Variants in TDRD1 observed in about 807,000 individuals in gnomAD.
TDRD1 encodes the protein tudor domain containing 1, also known as tudor domain-containing protein 1.
Under a neutral mutation model 140.6 loss-of-function variants are expected in TDRD1, and 37 were observed. That is an observed-to-expected ratio of 0.26 (90% CI 0.20 to 0.35). TDRD1 has a LOEUF of 0.35. Ranked by LOEUF, TDRD1 falls within the 10% of genes least tolerant of loss-of-function variation. TDRD1 has a pLI of 1.00. For synonymous variants in TDRD1, 506 were observed against 475.7 expected (o/e 1.06, Z -0.83); for missense variants, 1,243 against 1,393.0 (o/e 0.89, Z 1.71).
At chr10:114,190,128 CTGAGT>C (rs2033853291) in intron 2 of TDRD1, among the ~76,000 whole-genome samples, 1 of 152,072 alleles carries the variant, frequency 6.6e-6, no homozygotes, top group African/African-American at 2.4e-5. Flanking sequence ...CAACATTTCA[CTGAGT>C]TGAAGGCAAA....
At chr10:114,222,559 C>T (rs759893800) in intron 20 of TDRD1, 28 bp from the exon 21 acceptor site, 13 of 1,451,814 alleles carry the variant, frequency 9.0e-6, no homozygotes, top group Admixed American at 1.7e-5. Context: ...AAATTTTCTT[C>T]ACAAAAGATT....
At chr10:114,219,443 T>C (rs2036008182) in intron 18 of TDRD1, among the ~76,000 whole-genome samples, 1 of 152,188 alleles carries the variant, frequency 6.6e-6, no homozygotes, top group Non-Finnish European at 1.5e-5. Flanking sequence ...GTGTGTATTT[T>C]GGACATCTGC....
At chr10:114,201,822 G>A (rs974868890) in intron 5 of TDRD1, among the ~76,000 whole-genome samples, 30 of 152,278 alleles carry the variant, frequency 2.0e-4, no homozygotes, top group Admixed American at 2.0e-3. Context: ...ACTCTTACAT[G>A]CCTCTTGAGT....
At chr10:114,219,382 C>T (rs192344477) in intron 18 of TDRD1, among the ~76,000 whole-genome samples, 144 of 152,026 alleles carry the variant, frequency 9.5e-4, no homozygotes, top group African/African-American at 3.3e-3. Context: ...CCTATAGTAG[C>T]GGTTATTATA....
chr10:114,212,109 T>G, intron 14 of TDRD1, 73 bp downstream of exon 14: 3 of 1,391,382 alleles, frequency 2.2e-6, no homozygotes, highest in Non-Finnish European at 2.9e-6. Context: ...ATACACGAAA[T>G]AGGGAAAAGC....
chr10:114,192,553 G>A (rs1443667136), intron 3 of TDRD1, among the ~76,000 whole-genome samples: 1 of 151,902 alleles, frequency 6.6e-6, no homozygotes, highest in Non-Finnish European at 1.5e-5. Context: ...TGATCCGCCT[G>A]CCTCGGCCTC....
At chr10:114,183,919 A>G (rs895727207) in intron 1 of TDRD1, among the ~76,000 whole-genome samples, 5 of 151,852 alleles carry the variant, frequency 3.3e-5, no homozygotes, top group Non-Finnish European at 5.9e-5. Context: ...CTTTTTTGCT[A>G]TTTTGAACGG....
rs186564225 is a variant in TDRD1, at chr10:114,216,985, T to C, written c.2213-560T>C. 1.5e-3 allele frequency among the ~76,000 whole-genome samples: 231 copies of C among 152,360 alleles called. 1 individual carries two copies. Among genetic ancestry groups the C allele is most frequent in the Non-Finnish European group, 2.5e-3 (171 of 68,038 alleles). On this transcript the variant is annotated intron_variant, in intron 16 of 25. Transcript: ENST00000251864. Reference sequence around the variant, plus strand: ...GGACAGCTCCAATGTCTCTCTCCAGTGGCCACTTCTCCACTTCTGCGCTTC... The same window carrying C: ...GGACAGCTCCAATGTCTCTCTCCAGCGGCCACTTCTCCACTTCTGCGCTTC...
chr10:114,231,421 T>A, intron 25 of TDRD1: 1 of 1,330,382 alleles, frequency 7.5e-7, no homozygotes, highest in Non-Finnish European at 1.1e-6. Context: ...TATTTGAAAT[T>A]AAAAGCCATA....
At chr10:114,226,924 C>G (rs2036471900) in intron 22 of TDRD1, 148 bp from the exon 23 acceptor site, 1 of 573,054 alleles carries the variant, frequency 1.7e-6, no homozygotes, top group African/African-American at 1.9e-5. Flanking sequence ...ATAAATTTGT[C>G]TTTTGTAATG....
At chr10:114,204,941 C>T (rs754200899) in intron 10 of TDRD1, 48 bp downstream of exon 10, 2 of 1,465,082 alleles carry the variant, frequency 1.4e-6, no homozygotes, top group Admixed American at 5.2e-5. Flanking sequence ...TATGTAGTTT[C>T]CACCTGTTAC....
exon 18 of TDRD1, chr10:114,218,451 C>G: frequency 6.2e-7 from 1 of 1,607,466 alleles, no homozygotes; most frequent in Non-Finnish European, 8.5e-7. Flanking sequence ...TCAAGGAAAT[C>G]TTACCAAATG....
In TDRD1 at chr10:114,202,309, C is replaced by T; in HGVS notation, c.696+11C>T. 1 of 1,558,908 alleles carries T rather than the reference C, an allele frequency of 6.4e-7. No individual in the cohort carries two copies. Among genetic ancestry groups the T allele is most frequent in the Non-Finnish European group, 8.7e-7 (1 of 1,148,048 alleles). ...GAGGTAAACAATAAGGTATGGTATA[C>T]TTTGTCTTTAAATTTTGAATAACTC... is the stretch of plus-strand genomic sequence containing the variant. On this transcript the variant is annotated intron_variant, in intron 6 of 25. Coordinates refer to ENST00000251864, the Ensembl canonical transcript of TDRD1.
At chr10:114,220,204 C>T (rs780656179) in intron 18 of TDRD1, among the ~76,000 whole-genome samples, 1 of 152,216 alleles carries the variant, frequency 6.6e-6, no homozygotes, top group East Asian at 1.9e-4. Context: ...TTAGAAAACT[C>T]TCCACAAAGG....
intron 7 of TDRD1, 71 bp downstream of exon 7, chr10:114,203,247 G>A: frequency 6.7e-7 from 1 of 1,487,242 alleles, no homozygotes; most frequent in South Asian, 1.2e-5. Context: ...TCCTATTTTT[G>A]AGTTCATGCG....
chr10:114,214,292 T>A (rs2035671820), intron 16 of TDRD1, among the ~76,000 whole-genome samples, 178 bp downstream of exon 16: 1 of 152,256 alleles, frequency 6.6e-6, no homozygotes, highest in Non-Finnish European at 1.5e-5. Context: ...TTTAAGCCAT[T>A]ATTTCTATTT....
At chr10:114,178,463 T>A (rs1275545663), upstream of TDRD1, among the ~76,000 whole-genome samples, 1 of 152,226 alleles carries the variant, frequency 6.6e-6, no homozygotes, top group Admixed American at 6.5e-5. Context: ...GGCATCATCA[T>A]TAATCTTGTC....
At chr10:114,188,096 C>G in exon 2 of TDRD1, 1 of 1,612,002 alleles carries the variant, frequency 6.2e-7, no homozygotes, top group South Asian at 1.1e-5. Flanking sequence ...TTCTTCAAAC[C>G]CGAATGGCAT....
chr10:114,217,312 G>T (rs918290406), intron 16 of TDRD1, among the ~76,000 whole-genome samples: 3 of 152,046 alleles, frequency 2.0e-5, no homozygotes, highest in Non-Finnish European at 4.4e-5. Context: ...TGCTGTAATT[G>T]TTTCTTTTTG....
Sources: gnomAD v4.1 joint callset for allele counts (sites outside exome capture counted in the v4.1 genomes callset) on GRCh38, gnomAD v4.1.1 for gene constraint, MANE v1.5 for transcripts, NCBI Gene and HGNC (gene_info 2026-07-23, HGNC 2026-07-21) for gene names.